Variants in RABL6 observed in about 807,000 individuals in gnomAD.
The protein encoded by RABL6 is rab-like protein 6.
RABL6 carries 28 observed loss-of-function variants against 72.9 expected under a neutral mutation model. The ratio of observed to expected loss-of-function variants is 0.38; its 90% CI spans 0.28 to 0.53. The LOEUF (loss-of-function observed/expected upper bound fraction) is 0.53, where lower values mean the gene tolerates loss of function less well. Among genes scored for constraint, RABL6 ranks in the 20% least tolerant of loss-of-function variants. The pLI, the probability that RABL6 is intolerant of heterozygous loss-of-function variation, is 0.80. For missense variants in RABL6, 1,029 were observed against 1,008.4 expected, an observed-to-expected ratio of 1.02 and a Z score of -0.28; for synonymous variants, 477 against 421.2, an observed-to-expected ratio of 1.13 and a Z score of -1.62.
In RABL6 at chr9:136,828,537, C is replaced by G; in HGVS notation, c.357C>G (p.Asp119Glu). 6.2e-7 allele frequency: 1 copy of G among 1,613,226 alleles called. No individual in the cohort carries two copies. The highest frequency in any genetic ancestry group is 1.3e-5 in the African/African-American group (1 of 75,032). ...GCGACGGCTTAAAGATGGAGAACGA[C>G]CCCCAGGAGGTGAGTGCCAGGTACA... ...KRGDGLKMEN[D>E]PQEAESEMAL... The change falls in exon 4 of 15, where the codon GAC becomes GAG. Residue 119 changes from aspartate (D) to glutamate (E), a missense_variant. Coordinates refer to ENST00000311502, the MANE Select transcript of RABL6 (RefSeq NM_024718.5).
intron 1 of RABL6, chr9:136,814,218 T>C (rs1202367186): frequency 1.2e-5 from 3 of 241,822 alleles, no homozygotes; most frequent in African/African-American, 4.8e-5. Flanking sequence ...CGAGACAGGG[T>C]CTTGCTCTGT....
chr9:136,835,873 C>T (rs969619029), intron 8 of RABL6, 28 bp downstream of exon 8: 42 of 1,543,980 alleles, frequency 2.7e-5, no homozygotes, highest in African/African-American at 8.2e-5. Flanking sequence ...CCCGTGCGGG[C>T]GGTGTGGGGG....
chr9:136,839,662 G>T (rs761108782), intron 12 of RABL6, 32 bp from the exon 13 acceptor site: 1 of 1,559,384 alleles, frequency 6.4e-7, no homozygotes, highest in East Asian at 2.3e-5. Context: ...TGGGAGGGAT[G>T]ATGGCCTGAC....
Position 136,840,338 on chromosome 9 carries a change from C to T in RABL6, c.2006C>T (p.Ala669Val). The T allele has an allele frequency of 6.4e-7, 1 of 1,572,760 alleles. No homozygotes were observed. The highest frequency in any genetic ancestry group is 2.4e-5 in the East Asian group (1 of 42,336). ...KKGKEEEEKAAKKKSKHKKSK... is the reference protein window; with the variant it reads ...KKGKEEEEKAVKKKSKHKKSK... ...GCTCCTCAGGAAGAAGAAAAAGCTG[C>T]CAAGAAGAAGAGCAAACACAAGAAG... The change falls in exon 15 of 15, where the codon GCC becomes GTC. Residue 669 changes from alanine (A) to valine (V), a missense_variant. By Grantham distance (64) the Ala-to-Val change is moderately conservative. This residue lies in a region of RABL6 where 595 missense variants were observed against 472.4 expected (regional missense o/e 1.26). Coordinates refer to ENST00000311502, the MANE Select transcript of RABL6 (RefSeq NM_024718.5).
intron 2 of RABL6, among the ~76,000 whole-genome samples, chr9:136,825,475 G>A (rs1258918214): frequency 3.4e-5 from 5 of 147,414 alleles, no homozygotes; most frequent in Admixed American, 2.7e-4. Flanking sequence ...GCCCAGGATC[G>A]GGGCCCTGGA....
At chr9:136,814,175 C>T in intron 1 of RABL6, 2 of 296,596 alleles carry the variant, frequency 6.7e-6, no homozygotes, top group Non-Finnish European at 1.4e-5. Flanking sequence ...GCAAAAATAT[C>T]ATGGATACTA....
At chr9:136,825,913 G>A (rs1848345609) in intron 3 of RABL6, 87 bp downstream of exon 3, 1 of 1,462,096 alleles carries the variant, frequency 6.8e-7, no homozygotes. Context: ...CGGCGCCCAT[G>A]CATCACCCAC....
Position 136,831,898 on chromosome 9 carries a change from C to T in RABL6, c.599+37C>T, listed in dbSNP as rs374025267. 609 of 1,576,852 alleles carry T rather than the reference C, an allele frequency of 3.9e-4. 1 individual carries two copies. Among genetic ancestry groups the T allele is most frequent in the Non-Finnish European group, 2.0e-4 (227 of 1,159,598 alleles). ...GGCCCTGCTCCCGAGGGACCCTGCC[C>T]GGTGCTCCGGTGTGCGGGGGAGGGT... On this transcript the variant is annotated intron_variant, in intron 6 of 14. Coordinates refer to ENST00000311502, the MANE Select transcript of RABL6 (RefSeq NM_024718.5).
rs777241518 is a variant in RABL6, at chr9:136,840,661, G to A, written c.*139G>A. The A allele has an allele frequency of 6.5e-7, 1 of 1,549,512 alleles. No homozygotes were observed. The highest frequency in any genetic ancestry group is 1.2e-5 in the South Asian group (1 of 84,020). ...TCTGAGCTGGAAGAGGCCGGGCATT[G>A]GTGGTCCCCAGGCTGGGCCCTGCAG... On this transcript the variant is annotated 3_prime_UTR_variant, in exon 15 of 15. Transcript: ENST00000311502.
At chr9:136,811,632 A>G (rs1319140828) in intron 1 of RABL6, among the ~76,000 whole-genome samples, 1 of 150,266 alleles carries the variant, frequency 6.7e-6, no homozygotes. Context: ...AAAAAAAAAA[A>G]AACAATTGCA....
Position 136,840,176 on chromosome 9 carries a change from T to TAAG in RABL6, c.1954_1956dup (p.Lys652dup). On this transcript the variant is annotated inframe_insertion, in exon 14 of 15. Transcript: ENST00000311502. ...CAGGTAAGGAGGGCAAAACCCCCTC[T>TAAG]AAGGAGAAGAAGAAGAAGAAGAAAA... 1 of 1,612,618 alleles carries TAAG rather than the reference T, an allele frequency of 6.2e-7. No individual in the cohort carries two copies. The highest frequency in any genetic ancestry group is 8.5e-7 in the Non-Finnish European group (1 of 1,179,788).
chr9:136,837,867 G>C lies in RABL6; in HGVS notation c.1132G>C (p.Val378Leu). 6.5e-7 allele frequency: 1 copy of C among 1,549,422 alleles called. No homozygotes were observed. Among genetic ancestry groups the C allele is most frequent in the South Asian group, 1.2e-5 (1 of 84,038 alleles). ...TEAAPPPPEP[V>L]PAAEGPATVQ... ...CCCGGCATCACTGTTCACAGAGCCA[G>C]TCCCGGCCGCAGAGGGCCCAGCAAC... Residue 378 changes from valine to leucine, a missense_variant, in exon 10 of 15, where the codon GTC (valine) becomes CTC (leucine). Val to Leu is a conservative substitution (Grantham distance 32). Coordinates refer to ENST00000311502, the MANE Select transcript of RABL6 (RefSeq NM_024718.5).
chr9:136,824,750 C>G (rs1455520819), intron 2 of RABL6, among the ~76,000 whole-genome samples: 2 of 151,890 alleles, frequency 1.3e-5, no homozygotes, highest in East Asian at 3.9e-4. Context: ...GACTGCTGTG[C>G]AGGAACAGCC....
At chr9:136,835,675 G>A (rs2131200508) in intron 7 of RABL6, 67 bp from the exon 8 acceptor site, 3 of 1,404,160 alleles carry the variant, frequency 2.1e-6, no homozygotes, top group Non-Finnish European at 2.9e-6. Flanking sequence ...GCATTCAGGG[G>A]CTGTGGGGCT....
At position 136,838,980 on chromosome 9, in the gene RABL6, C is replaced by T. The variant is rs1183044373; in HGVS notation, c.1352C>T (p.Pro451Leu). The T allele has an allele frequency of 2.5e-6, 4 of 1,611,748 alleles. No individual in the cohort carries two copies. In the East Asian group the frequency reaches 8.9e-5, roughly 36 times the overall value. Residue 451 changes from proline to leucine, a missense_variant, in exon 11 of 15, where the codon CCA becomes CTA. Physicochemically the swap from Pro to Leu is moderately conservative, Grantham distance 98 (BLOSUM62 -3). Coordinates refer to ENST00000311502, the MANE Select transcript of RABL6 (RefSeq NM_024718.5). ...FQDDVDLEDQ[P>L]RGSPPLPAGP... ...GACGATGTGGACCTCGAAGACCAGC[C>T]ACGTGGGAGTCCCCCGCTGCCTGCA...
intron 7 of RABL6, chr9:136,834,571 T>C (rs570708455): frequency 4.0e-5 from 29 of 724,156 alleles, no homozygotes; most frequent in Admixed American, 1.9e-4. Context: ...CTCTGCCTCC[T>C]GGGTTCAAGC....
intron 7 of RABL6, chr9:136,834,487 ACT>A: frequency 3.1e-6 from 3 of 975,492 alleles, no homozygotes; most frequent in Non-Finnish European, 3.7e-6. Context: ...ACTTTAATAC[ACT>A]CTTTTTTTTG....
chr9:136,817,293 C>G (rs1264253762), intron 1 of RABL6, among the ~76,000 whole-genome samples: 1 of 152,074 alleles, frequency 6.6e-6, no homozygotes, highest in Non-Finnish European at 1.5e-5. Context: ...AAAGGGAAGA[C>G]TGAGGACTTT....
rs565141357 is a variant in RABL6, at chr9:136,838,927, C to T, written c.1299C>T (p.Gly433=). The change falls in exon 11 of 15, where the codon GGC becomes GGT. Residue 433 remains glycine, a synonymous_variant. Coordinates refer to ENST00000311502, the MANE Select transcript of RABL6 (RefSeq NM_024718.5). ...TTTGCAGTGATGGGGAGGCCCTGGG[C>T]GGCAACCCGATGGTGGCAGGGTTCC... The part of the protein sequence containing the change: ...QDSDSDGEAL[G]GNPMVAGFQD... 1.8e-4 allele frequency: 281 copies of T among 1,598,804 alleles called. 3 individuals are homozygous for T. The highest frequency in any genetic ancestry group is 1.6e-3 in the South Asian group (142 of 89,316).
Sources: allele counts gnomAD v4.1 joint callset (sites outside exome capture counted in the v4.1 genomes callset), GRCh38; gene constraint gnomAD v4.1.1; regional missense constraint gnomAD v4.1.1; transcripts MANE v1.5; gene names NCBI Gene and HGNC (gene_info 2026-07-23, HGNC 2026-07-21).